The following ELP4 variants were observed in gnomAD, a reference collection of about 807,000 sequenced individuals.
ELP4 encodes elongator complex protein 4.
Under a neutral mutation model 48.9 loss-of-function variants are expected in ELP4, and 51 were observed. The observed-to-expected ratio is 1.04, with a 90% confidence interval of 0.83 to 1.32. The LOEUF (loss-of-function observed/expected upper bound fraction) is 1.32. Among genes scored for constraint, ELP4 ranks in the 40% most tolerant of loss-of-function variants. The pLI, the probability that ELP4 is intolerant of heterozygous loss-of-function variation, is 0.00. For missense variants in ELP4, 519 were observed against 514.6 expected, an observed-to-expected ratio of 1.01 and a Z score of -0.08; for synonymous variants, 210 against 189.2, an observed-to-expected ratio of 1.11 and a Z score of -0.90.
chr11:31,527,803 C>T (rs746700677), intron 2 of ELP4, among the ~76,000 whole-genome samples: 14 of 152,020 alleles, frequency 9.2e-5, no homozygotes, highest in Non-Finnish European at 1.5e-4. Context: ...CCTTTCTGTG[C>T]TCCTTGTTGA....
intron 1 of ELP4, among the ~76,000 whole-genome samples, chr11:31,515,039 A>ATG (rs1448551733): frequency 6.8e-6 from 1 of 146,224 alleles, no homozygotes; most frequent in Non-Finnish European, 1.5e-5. Context: ...GTGTGTATAT[A>ATG]TATATATATA....
intron 9 of ELP4, among the ~76,000 whole-genome samples, chr11:31,667,712 C>G (rs188175520): frequency 3.9e-5 from 6 of 152,174 alleles, no homozygotes; most frequent in Admixed American, 3.9e-4. Flanking sequence ...ATAATATAAT[C>G]TAGTGACATG....
Position 31,731,200 on chromosome 11 carries a change from CCAAT to C in ELP4, c.1144-52189_1144-52186del, listed in dbSNP as rs1205231448. 4.6e-5 allele frequency among the ~76,000 whole-genome samples: 7 copies of C among 151,966 alleles called. No individual in the cohort carries two copies. The East Asian group carries it at 1.4e-3, about 29-fold the overall frequency. ...GAACGTGAAGAAACAGGGAAATAGG[CCAAT>C]CAAAGGAGCAAAATAAATTTCCAGA... On this transcript the variant is annotated intron_variant, in intron 9 of 9. Transcript: ENST00000640961.
intron 4 of ELP4, chr11:31,598,817 C>T (rs1036644894): frequency 6.6e-6 from 1 of 152,042 alleles, no homozygotes; most frequent in African/African-American, 2.4e-5. Flanking sequence ...GGCCCTGGTG[C>T]TCAGTTTTCA....
chr11:31,771,262 G>A (rs939506757), intron 9 of ELP4, among the ~76,000 whole-genome samples: 3 of 152,184 alleles, frequency 2.0e-5, no homozygotes, highest in Non-Finnish European at 4.4e-5. Context: ...AGAATCAGAA[G>A]AAAGCAGGAT....
intron 7 of ELP4, chr11:31,633,942 C>G (rs1278383737): frequency 6.6e-6 from 1 of 151,970 alleles, no homozygotes; most frequent in African/African-American, 2.4e-5. Context: ...AGTGTTCTTC[C>G]CTGACTTCAA....
At chr11:31,573,458 C>G (rs1018257510) in intron 3 of ELP4, 3 of 152,176 alleles carry the variant, frequency 2.0e-5, no homozygotes, top group African/African-American at 7.2e-5. Flanking sequence ...TTTACTATCT[C>G]ACAGTTTTGG....
chr11:31,573,209 C>T (rs971538485), intron 3 of ELP4, among the ~76,000 whole-genome samples: 2 of 152,196 alleles, frequency 1.3e-5, no homozygotes, highest in African/African-American at 2.4e-5. Context: ...AATGTGCCTA[C>T]ATGCAGTCTG....
At chr11:31,520,451 G>A (rs923466786) in intron 2 of ELP4, among the ~76,000 whole-genome samples, 6 of 152,020 alleles carry the variant, frequency 3.9e-5, no homozygotes, top group Non-Finnish European at 7.4e-5. Context: ...CAAGTCCATC[G>A]TATATATCAT....
At chr11:31,735,330 G>T (rs574685115) in intron 9 of ELP4, among the ~76,000 whole-genome samples, 1 of 152,054 alleles carries the variant, frequency 6.6e-6, no homozygotes, top group South Asian at 2.1e-4. Flanking sequence ...TGGATATGAC[G>T]TGAAAAGCAC....
chr11:31,562,610 T>C (rs1276742955), intron 3 of ELP4, among the ~76,000 whole-genome samples: 2 of 152,198 alleles, frequency 1.3e-5, no homozygotes, highest in East Asian at 1.9e-4. Context: ...TATACCAATG[T>C]GAAAGTGTTT....
intron 2 of ELP4, among the ~76,000 whole-genome samples, chr11:31,528,767 ATAAT>A (rs1422397137): frequency 6.6e-6 from 1 of 152,148 alleles, no homozygotes; most frequent in African/African-American, 2.4e-5. Flanking sequence ...GGTGAGGTAA[ATAAT>A]TCAGTTTAAA....
At chr11:31,653,751 T>C (rs1264168308) in intron 9 of ELP4, 1 of 151,800 alleles carries the variant, frequency 6.6e-6, no homozygotes, top group East Asian at 1.9e-4. Context: ...AAGTGACCCG[T>C]ACACACTGTG....
intron 9 of ELP4, among the ~76,000 whole-genome samples, chr11:31,674,146 T>G (rs1395400392): frequency 6.6e-6 from 1 of 152,214 alleles, no homozygotes; most frequent in African/African-American, 2.4e-5. Context: ...GAAATTAGGA[T>G]CATTGGTATT....
intron 6 of ELP4, among the ~76,000 whole-genome samples, chr11:31,630,775 A>G (rs1944845206): frequency 6.6e-6 from 1 of 152,062 alleles, no homozygotes; most frequent in South Asian, 2.1e-4. Context: ...CCCTGTCTCT[A>G]CAAAAACAAT....
intron 3 of ELP4, among the ~76,000 whole-genome samples, chr11:31,591,575 A>G (rs1957576996): frequency 6.6e-6 from 1 of 152,154 alleles, no homozygotes; most frequent in Non-Finnish European, 1.5e-5. Context: ...CCACTAGGGT[A>G]GCTATTTAAA....
chr11:31,678,146 C>T (rs1945971537), intron 9 of ELP4, among the ~76,000 whole-genome samples: 1 of 151,924 alleles, frequency 6.6e-6, no homozygotes, highest in Non-Finnish European at 1.5e-5. Context: ...GCTTTTTTCC[C>T]TTAGCAATAT....
At chr11:31,562,498 T>A (rs567151463) in intron 3 of ELP4, among the ~76,000 whole-genome samples, 2 of 152,266 alleles carry the variant, frequency 1.3e-5, no homozygotes, top group African/African-American at 4.8e-5. Flanking sequence ...ATCCCACTGG[T>A]TTCCTTTCTA....
At chr11:31,574,227 G>A (rs1414354251) in intron 3 of ELP4, among the ~76,000 whole-genome samples, 2 of 152,170 alleles carry the variant, frequency 1.3e-5, no homozygotes, top group Admixed American at 6.5e-5. Flanking sequence ...AGGCAGCAGC[G>A]AGGCTGGGGG....
Sources: allele counts gnomAD v4.1 joint callset (sites outside exome capture counted in the v4.1 genomes callset), GRCh38; gene constraint gnomAD v4.1.1; transcripts MANE v1.5; gene names NCBI Gene and HGNC (gene_info 2026-07-23, HGNC 2026-07-21).